Variants in TRA2A observed in about 807,000 individuals in gnomAD.
TRA2A encodes transformer 2 alpha homolog.
A neutral mutation model predicts 45.7 loss-of-function variants in TRA2A; 31 were observed. That is an observed-to-expected ratio of 0.68 (90% confidence interval 0.51 to 0.92). TRA2A has a LOEUF of 0.92. Ranked by LOEUF, TRA2A falls within the 40% of genes least tolerant of loss-of-function variation. TRA2A has a pLI of 0.00. For synonymous variants in TRA2A, 132 were observed against 126.2 expected (o/e 1.05, Z -0.31); for missense variants, 304 against 367.5 (o/e 0.83, Z 1.41).
At chr7:23,524,840 C>T (rs533247664) in intron 1 of TRA2A, among the ~76,000 whole-genome samples, 6 of 152,000 alleles carry the variant, frequency 3.9e-5, no homozygotes, top group South Asian at 2.1e-4. Context: ...TACAGGTGCA[C>T]GCCATCACAC....
intron 6 of TRA2A, 36 bp from the exon 7 acceptor site, chr7:23,505,849 A>G: frequency 7.7e-7 from 1 of 1,294,792 alleles, no homozygotes; most frequent in Non-Finnish European, 1.1e-6. Flanking sequence ...CATACTATAT[A>G]ATCACTCCAC....
At chr7:23,531,564 G>C in intron 1 of TRA2A, 1 of 598,872 alleles carries the variant, frequency 1.7e-6, no homozygotes, top group African/African-American at 1.9e-5. Flanking sequence ...GGACCCAGAA[G>C]TCCAGGTATC....
At chr7:23,507,220 C>G in intron 5 of TRA2A, 200 bp downstream of exon 5, 1 of 535,548 alleles carries the variant, frequency 1.9e-6, no homozygotes, top group Non-Finnish European at 3.3e-6. Flanking sequence ...TGTGCCTCAG[C>G]TCCCGAGCAG....
chr7:23,526,768 T>G (rs1156709852), intron 1 of TRA2A, among the ~76,000 whole-genome samples: 1 of 152,220 alleles, frequency 6.6e-6, no homozygotes, highest in African/African-American at 2.4e-5. Flanking sequence ...ATTTCCCTTC[T>G]TTTAAATGCA....
At chr7:23,531,624 A>G in intron 1 of TRA2A, 165 bp downstream of exon 1, 1 of 679,670 alleles carries the variant, frequency 1.5e-6, no homozygotes, top group Non-Finnish European at 2.5e-6. Flanking sequence ...TGTTTGGGGA[A>G]GGAGTGGAAC....
intron 4 of TRA2A, among the ~76,000 whole-genome samples, chr7:23,511,402 A>AAAAAAAAAG (rs1789608951): frequency 6.7e-5 from 3 of 44,954 alleles, no homozygotes; most frequent in Non-Finnish European, 1.4e-4. Flanking sequence ...AAAAAAAAAA[A>AAAAAAAAAG]AAAAAAAAGA....
chr7:23,529,973 G>C (rs1251505449), intron 1 of TRA2A, among the ~76,000 whole-genome samples: 1 of 150,084 alleles, frequency 6.7e-6, no homozygotes, highest in African/African-American at 2.5e-5. Flanking sequence ...TCCTTTCCTA[G>C]ACTTGATGAT....
chr7:23,514,058 G>A (rs1036312255), intron 3 of TRA2A, among the ~76,000 whole-genome samples: 33 of 151,728 alleles, frequency 2.2e-4, no homozygotes, highest in African/African-American at 1.9e-4. Flanking sequence ...TTTTTACTAC[G>A]GCTAGTAGAT....
intron 2 of TRA2A, among the ~76,000 whole-genome samples, chr7:23,519,539 G>A (rs1217458598): frequency 6.6e-6 from 1 of 152,008 alleles, no homozygotes; most frequent in Non-Finnish European, 1.5e-5. Flanking sequence ...CTGGGCAAGA[G>A]AGCAAGACTC....
chr7:23,529,790 T>C (rs1166338232), intron 1 of TRA2A, among the ~76,000 whole-genome samples: 1 of 152,074 alleles, frequency 6.6e-6, no homozygotes, highest in African/African-American at 2.4e-5. Context: ...AAGAGGGCCC[T>C]TTATTTCTAT....
At chr7:23,524,148 C>T (rs1354757952) in intron 1 of TRA2A, among the ~76,000 whole-genome samples, 1 of 152,086 alleles carries the variant, frequency 6.6e-6, no homozygotes, top group Non-Finnish European at 1.5e-5. Context: ...AGCAACAAAG[C>T]ATTATGGTAT....
chr7:23,511,135 G>T (rs956810232), intron 4 of TRA2A, among the ~76,000 whole-genome samples: 5 of 151,932 alleles, frequency 3.3e-5, no homozygotes, highest in Non-Finnish European at 7.4e-5. Flanking sequence ...ACCTTGGGAG[G>T]CTGAGGCGGG....
In TRA2A at chr7:23,521,780, T is replaced by G. The variant is rs746515773; in HGVS notation, c.97A>C (p.Arg33=). Reference sequence around the variant, plus strand: ...CTTGATGGACTACGAGATCCTGACCTGCTCTCCGATTTTACACGAGCAGGA... The same window carrying G: ...CTTGATGGACTACGAGATCCTGACCGGCTCTCCGATTTTACACGAGCAGGA... The part of the protein sequence containing the change: ...GTPARVKSES[R]SGSRSPSRVS... Residue 33 remains arginine (R), a synonymous_variant, in exon 2 of 8, where the codon AGG becomes CGG. Coordinates refer to ENST00000297071, the MANE Select transcript of TRA2A (RefSeq NM_013293.5). The G allele has an allele frequency of 9.3e-6, 15 of 1,614,020 alleles. No individual in the cohort carries two copies. The highest frequency in any genetic ancestry group is 1.0e-5 in the Non-Finnish European group (12 of 1,180,012).
chr7:23,516,630 C>T, intron 2 of TRA2A, 102 bp from the exon 3 acceptor site: 2 of 1,018,734 alleles, frequency 2.0e-6, no homozygotes, highest in Non-Finnish European at 2.9e-6. Flanking sequence ...TTCTCAGGTC[C>T]TTCCTCCTTG....
intron 1 of TRA2A, among the ~76,000 whole-genome samples, chr7:23,522,848 G>A (rs1423870097): frequency 6.6e-6 from 1 of 152,034 alleles, no homozygotes; most frequent in Non-Finnish European, 1.5e-5. Flanking sequence ...GATATAGTTA[G>A]AGCAAGGCAT....
At position 23,531,906 on chromosome 7, in the gene TRA2A, C is replaced by A; in HGVS notation, c.-82G>T. 6.6e-7 allele frequency: 1 copy of A among 1,508,182 alleles called. No homozygotes were observed. The allele number at this position is 1,508,182 out of a possible 1,614,324, so 93.4% of individuals were successfully genotyped here. ...TGGCCTAATTAACCCGCTGACTGGACCGTGGGGAAGAGGAAAGAGTCGGCA... is the reference window on the plus strand; with the variant it reads ...TGGCCTAATTAACCCGCTGACTGGAACGTGGGGAAGAGGAAAGAGTCGGCA... On this transcript the variant is annotated 5_prime_UTR_variant, in exon 1 of 8. Transcript: ENST00000297071.
chr7:23,505,500 T>TTA lies in TRA2A; in HGVS notation c.*58_*59insTA. On this transcript the variant is annotated 3_prime_UTR_variant, in exon 8 of 8. Transcript: ENST00000297071. ...CCACAGCTTGGGGAAATCTCAGAAT[T>TTA]AAAAAAAAAAAAAAAAAAAAGAGGA... 1 of 350,784 alleles carries TTA rather than the reference T, an allele frequency of 2.9e-6. No individual in the cohort carries two copies. The allele number at this position is 350,784 out of a possible 1,614,324, so 21.7% of individuals were successfully genotyped here. A position where few individuals can be genotyped will look rare whatever the true frequency, so the allele number is the denominator to read the frequency against.
At chr7:23,512,807 G>C in intron 4 of TRA2A, 87 bp downstream of exon 4, 1 of 1,041,694 alleles carries the variant, frequency 9.6e-7, no homozygotes, top group East Asian at 2.8e-5. Context: ...GAAGAAAAAA[G>C]GATGCAATGT....
At chr7:23,518,833 G>C (rs1289613294) in intron 2 of TRA2A, among the ~76,000 whole-genome samples, 2 of 151,668 alleles carry the variant, frequency 1.3e-5, no homozygotes, top group African/African-American at 2.4e-5. Context: ...CTACGGGCCT[G>C]TGCCACCACA....
Sources: allele counts gnomAD v4.1 joint callset (sites outside exome capture counted in the v4.1 genomes callset), GRCh38; gene constraint gnomAD v4.1.1; transcripts MANE v1.5; gene names NCBI Gene and HGNC (gene_info 2026-07-23, HGNC 2026-07-21).